CCSER1: variants seen among roughly 807,000 people sequenced by gnomAD.
CCSER1 encodes coiled-coil serine rich protein 1.
Under a neutral mutation model 82.0 loss-of-function variants are expected in CCSER1, and 41 were observed. That is an observed-to-expected ratio of 0.50 (90% confidence interval 0.39 to 0.65). The LOEUF is 0.65. CCSER1 is among the 30% of genes least tolerant of loss of function. The probability of loss-of-function intolerance (pLI) is 0.00; values close to 1 mark genes in which losing one functional copy is unlikely to be tolerated. For missense variants in CCSER1, 1,119 were observed against 1,064.2 expected (o/e 1.05, Z -0.72); for synonymous variants, 414 against 383.9 (o/e 1.08, Z -0.92).
intron 9 of CCSER1, among the ~76,000 whole-genome samples, chr4:91,081,164 A>G (rs1266717842): frequency 6.6e-6 from 1 of 152,200 alleles, no homozygotes; most frequent in Non-Finnish European, 1.5e-5. Flanking sequence ...CCTCAATAAC[A>G]TACTGGAAAA....
intron 8 of CCSER1, among the ~76,000 whole-genome samples, chr4:90,872,597 CT>C (rs1467174361): frequency 6.6e-6 from 1 of 151,634 alleles, no homozygotes; most frequent in East Asian, 1.9e-4. Context: ...GTAGTTATTA[CT>C]TTCGATTGGT....
At chr4:91,191,438 G>A (rs894677655) in intron 10 of CCSER1, among the ~76,000 whole-genome samples, 1 of 152,084 alleles carries the variant, frequency 6.6e-6, no homozygotes, top group East Asian at 1.9e-4. Context: ...CTTCGAACCT[G>A]CTTATTAACT....
chr4:91,360,282 T>C lies in CCSER1; in HGVS notation c.2218-238290T>C, dbSNP rs551339579. ...CAGATTTGTTCTGGTAAACACATGA[T>C]TGCATAAAAATAATATGAAAAAAAG... On this transcript the variant is annotated intron_variant, in intron 10 of 10. Coordinates refer to ENST00000509176, the MANE Select transcript of CCSER1 (RefSeq NM_001145065.2). Among the ~76,000 whole-genome samples the C allele has an allele frequency of 5.3e-5, 8 of 151,888 alleles. No homozygotes were observed. In the East Asian group the frequency reaches 1.4e-3, roughly 26 times the overall value.
chr4:91,210,622 T>G (rs571217203), intron 10 of CCSER1, among the ~76,000 whole-genome samples: 1 of 151,862 alleles, frequency 6.6e-6, no homozygotes, highest in African/African-American at 2.4e-5. Flanking sequence ...TAAAGGGACA[T>G]TTTACAAAAT....
intron 3 of CCSER1, among the ~76,000 whole-genome samples, chr4:90,356,232 A>G (rs1020331063): frequency 5.9e-5 from 9 of 151,810 alleles, no homozygotes; most frequent in African/African-American, 2.2e-4. Context: ...ACTGTTTTAT[A>G]ACGTCTAATA....
chr4:91,494,321 A>G (rs556851869), intron 10 of CCSER1, among the ~76,000 whole-genome samples: 1 of 151,946 alleles, frequency 6.6e-6, no homozygotes, highest in African/African-American at 2.4e-5. Context: ...CATTTTATCT[A>G]TATTTTAAAT....
intron 10 of CCSER1, among the ~76,000 whole-genome samples, chr4:91,162,538 T>C (rs529193288): frequency 1.2e-4 from 19 of 152,298 alleles, no homozygotes; most frequent in African/African-American, 4.6e-4. Context: ...TGGTAGAATT[T>C]GGCTGTGAAT....
At chr4:91,463,051 A>C (rs1003061319) in intron 10 of CCSER1, among the ~76,000 whole-genome samples, 5 of 152,176 alleles carry the variant, frequency 3.3e-5, no homozygotes, top group African/African-American at 1.2e-4. Flanking sequence ...GAACGGACAG[A>C]CTGCCTCCTC....
chr4:91,452,167 A>G (rs1461409374), intron 10 of CCSER1, among the ~76,000 whole-genome samples: 1 of 151,944 alleles, frequency 6.6e-6, no homozygotes, highest in African/African-American at 2.4e-5. Context: ...ATAGGGCAAA[A>G]TTGACACACA....
At chr4:90,844,659 A>T (rs1383499354) in intron 8 of CCSER1, among the ~76,000 whole-genome samples, 1 of 152,002 alleles carries the variant, frequency 6.6e-6, no homozygotes, top group Non-Finnish European at 1.5e-5. Flanking sequence ...TGTCCCCCAC[A>T]CCACTTGTTT....
intron 10 of CCSER1, among the ~76,000 whole-genome samples, chr4:91,090,121 T>C (rs1278030199): frequency 6.6e-6 from 1 of 152,172 alleles, no homozygotes; most frequent in African/African-American, 2.4e-5. Flanking sequence ...GTCCACAGTA[T>C]TGTATAATTC....
chr4:91,326,978 C>T (rs1746612703), intron 10 of CCSER1, among the ~76,000 whole-genome samples: 1 of 152,172 alleles, frequency 6.6e-6, no homozygotes, highest in Non-Finnish European at 1.5e-5. Context: ...GCCTCTGTGG[C>T]TCTGGAAGGC....
At chr4:91,050,449 T>C (rs1279931499) in intron 9 of CCSER1, among the ~76,000 whole-genome samples, 2 of 150,466 alleles carry the variant, frequency 1.3e-5, no homozygotes, top group Non-Finnish European at 3.0e-5. Flanking sequence ...AAAAAATGCA[T>C]AGACTAAACC....
chr4:90,900,094 GTTT>G (rs70963096), intron 8 of CCSER1, among the ~76,000 whole-genome samples: 2 of 102,150 alleles, frequency 2.0e-5, no homozygotes, highest in Non-Finnish European at 4.3e-5. Context: ...TGGTCCCAGA[GTTT>G]TTTTTTTTTT....
At chr4:91,409,480 A>G (rs577995530) in intron 10 of CCSER1, among the ~76,000 whole-genome samples, 4 of 152,132 alleles carry the variant, frequency 2.6e-5, no homozygotes, top group Non-Finnish European at 5.9e-5. Flanking sequence ...TTTTTAAGCC[A>G]ACAAAGTTTC....
intron 7 of CCSER1, among the ~76,000 whole-genome samples, chr4:90,775,039 T>C (rs886266678): frequency 6.6e-6 from 1 of 152,160 alleles, no homozygotes; most frequent in African/African-American, 2.4e-5. Context: ...GATTATTTAT[T>C]GACAAGATCC....
intron 1 of CCSER1, among the ~76,000 whole-genome samples, chr4:90,239,417 C>G (rs1746423643): frequency 6.6e-6 from 1 of 152,020 alleles, no homozygotes; most frequent in South Asian, 2.1e-4. Flanking sequence ...AAATTTAAGC[C>G]CTACTATTAG....
At chr4:90,648,470 T>C (rs554317454) in intron 6 of CCSER1, among the ~76,000 whole-genome samples, 2 of 152,254 alleles carry the variant, frequency 1.3e-5, no homozygotes, top group East Asian at 1.9e-4. Flanking sequence ...CCAGTTGTTA[T>C]GGAATGAATT....
chr4:91,509,003 C>CT (rs1247325235), intron 10 of CCSER1, among the ~76,000 whole-genome samples: 2 of 149,202 alleles, frequency 1.3e-5, no homozygotes, highest in East Asian at 3.9e-4. Context: ...GTCATTCTAG[C>CT]TAAAAGTTAG....
Sources: gnomAD v4.1 joint callset for allele counts (sites outside exome capture counted in the v4.1 genomes callset) on GRCh38, gnomAD v4.1.1 for gene constraint, MANE v1.5 for transcripts, NCBI Gene and HGNC (gene_info 2026-07-23, HGNC 2026-07-21) for gene names.